NCDN: variants seen among roughly 807,000 people sequenced by gnomAD.
NCDN encodes the protein norbin.
A neutral mutation model predicts 60.7 loss-of-function variants in NCDN; 9 were observed. That is an observed-to-expected ratio of 0.15 (90% CI 0.09 to 0.26). NCDN has a LOEUF of 0.26. NCDN is among the 10% of genes least tolerant of loss of function. The pLI, the probability that NCDN is intolerant of heterozygous loss-of-function variation, is 1.00. For missense variants in NCDN, 578 were observed against 975.2 expected (o/e 0.59, Z 5.42); for synonymous variants, 409 against 442.5 (o/e 0.92, Z 0.95).
At position 35,558,913 on chromosome 1, in the gene NCDN, C is replaced by T. The variant is rs1201021685; in HGVS notation, c.34-194C>T. Among the ~76,000 whole-genome samples the T allele has an allele frequency of 6.6e-6, 1 of 152,056 alleles. No individual in the cohort carries two copies. Among genetic ancestry groups the T allele is most frequent in the Non-Finnish European group, 1.5e-5 (1 of 67,996 alleles). On this transcript the variant is annotated intron_variant, in intron 1 of 6. Coordinates refer to ENST00000373243, the MANE Select transcript of NCDN (RefSeq NM_014284.3). The surrounding 1 kb of genome is among the most constrained non-coding windows in gnomAD (Gnocchi z 6.3). ...CCTTGGACCAGGGTCCCTTCTTTAT[C>T]CCTAAGGATTTGCAGATCCAGCCCC...
chr1:35,563,685 A>G lies in NCDN; in HGVS notation c.1611-82A>G. ...TTTGGGGCCCAAAGTTAATCACCCT[A>G]CTGCCTAATTTCTTGCCAAGGGCTT... On this transcript the variant is annotated intron_variant, in intron 5 of 6. Transcript: ENST00000373243. This position sits in a 1 kb window ranked among gnomAD's most constrained non-coding sequence, Gnocchi z 6.6. 2.6e-6 allele frequency: 4 copies of G among 1,528,108 alleles called. No homozygotes were observed. The highest frequency in any genetic ancestry group is 3.6e-6 in the Non-Finnish European group (4 of 1,120,314). The allele number at this position is 1,528,108 out of a possible 1,614,324, so 94.7% of individuals were successfully genotyped here.
chr1:35,561,027 C>T lies in NCDN; in HGVS notation c.876C>T (p.Cys292=), dbSNP rs767390347. The change falls in exon 3 of 7, where the codon TGC becomes TGT. Residue 292 remains cysteine, a synonymous_variant. Coordinates refer to ENST00000373243, the MANE Select transcript of NCDN (RefSeq NM_014284.3). This position sits in a 1 kb window ranked among gnomAD's most constrained non-coding sequence, Gnocchi z 4.9. ...TGGCAGCCCGCCTGGCACACGCCTG[C>T]GGCTCCGACTGGATCCCGGCGGGCA... ...LKLAARLAHA[C]GSDWIPAGSS... The T allele has an allele frequency of 1.1e-5, 18 of 1,612,676 alleles. No individual in the cohort carries two copies. Among genetic ancestry groups the T allele is most frequent in the East Asian group, 6.7e-5 (3 of 44,866 alleles).
rs1558713499 is a variant in NCDN, at chr1:35,558,454, G to A, written c.33+231G>A. ...CGCCGCCGCTGCTGCTGCTGCTGCA[G>A]CCTCTACCCGAGGGAGGGAAAGGAG... On this transcript the variant is annotated intron_variant, in intron 1 of 6. Coordinates refer to ENST00000373243, the MANE Select transcript of NCDN (RefSeq NM_014284.3). The surrounding 1 kb of genome is among the most constrained non-coding windows in gnomAD (Gnocchi z 6.3). 7.0e-7 allele frequency: 1 copy of A among 1,434,072 alleles called. No homozygotes were observed. Among genetic ancestry groups the A allele is most frequent in the Non-Finnish European group, 9.1e-7 (1 of 1,098,392 alleles). 88.8% of individuals were successfully genotyped at this position (1,434,072 alleles called of 1,614,324 possible). A position where few individuals can be genotyped will look rare whatever the true frequency, so the allele number is the denominator to read the frequency against.
chr1:35,563,434 G>T lies in NCDN; in HGVS notation c.1610+8G>T, dbSNP rs1186796323. ...CGCACCGGGGCTGATCAAGTGAGGG[G>T]CTCGGGAGAGGTGGGGGAGGAGGCC... On this transcript the variant is annotated splice_region_variant and intron_variant, in intron 5 of 6. Coordinates refer to ENST00000373243, the MANE Select transcript of NCDN (RefSeq NM_014284.3). This position sits in a 1 kb window ranked among gnomAD's most constrained non-coding sequence, Gnocchi z 6.6. 4.3e-6 allele frequency: 7 copies of T among 1,609,854 alleles called. No individual in the cohort carries two copies. In the Admixed American group the frequency reaches 5.0e-5, roughly 12 times the overall value.
chr1:35,565,261 C>T lies in NCDN; in HGVS notation c.1788C>T (p.Phe596=). The T allele has an allele frequency of 6.2e-7, 1 of 1,612,544 alleles. No individual in the cohort carries two copies. Among genetic ancestry groups the T allele is most frequent in the Non-Finnish European group, 8.5e-7 (1 of 1,178,866 alleles). The part of the protein sequence containing the change: ...LQGTPASRGF[F]AAAILFLSQS... ...GAACACCAGCATCCCGAGGGTTCTT[C>T]GCAGCTGCCATCCTCTTCCTATCAC... The change falls in exon 7 of 7, where the codon TTC becomes TTT. Residue 596 remains phenylalanine, a synonymous_variant. Coordinates refer to ENST00000373243, the MANE Select transcript of NCDN (RefSeq NM_014284.3). This position sits in a 1 kb window ranked among gnomAD's most constrained non-coding sequence, Gnocchi z 8.9.
Position 35,565,894 on chromosome 1 carries a change from T to G in NCDN, c.*231T>G. The G allele has an allele frequency of 1.8e-6, 1 of 541,462 alleles. No individual in the cohort carries two copies. Among genetic ancestry groups the G allele is most frequent in the East Asian group, 3.3e-5 (1 of 30,566 alleles). The allele number at this position is 541,462 out of a possible 1,614,324, so 33.5% of individuals were successfully genotyped here. A position where few individuals can be genotyped will look rare whatever the true frequency, so the allele number is the denominator to read the frequency against. ...GCAGGGATCGGCTTGGAAATCAACGTGGTTGTCCCCGCCAGGCCGGGGAAG... is the reference window on the plus strand; with the variant it reads ...GCAGGGATCGGCTTGGAAATCAACGGGGTTGTCCCCGCCAGGCCGGGGAAG... On this transcript the variant is annotated 3_prime_UTR_variant, in exon 7 of 7. Transcript: ENST00000373243. The surrounding 1 kb of genome is among the most constrained non-coding windows in gnomAD (Gnocchi z 8.9).
rs1261496883 is a variant in NCDN at position 35,563,854 on chromosome 1, T to C, written c.1698T>C (p.Ala566=). The part of the protein sequence containing the change: ...LVQQQGRLLL[A]ANVATLGLLM... ...AGCAACAGGGAAGGCTGCTTCTGGC[T>C]GCTAATGTGGCCACCCTGGGGCTCC... is the stretch of plus-strand genomic sequence containing the variant. Residue 566 remains alanine, a synonymous_variant, in exon 6 of 7, where the codon GCT becomes GCC. Transcript: ENST00000373243. This position sits in a 1 kb window ranked among gnomAD's most constrained non-coding sequence, Gnocchi z 6.6. 1 of 1,614,142 alleles carries C rather than the reference T, an allele frequency of 6.2e-7. No homozygotes were observed. The highest frequency in any genetic ancestry group is 8.5e-7 in the Non-Finnish European group (1 of 1,180,030).
chr1:35,563,473 G>T lies in NCDN; in HGVS notation c.1610+47G>T. The T allele has an allele frequency of 6.3e-7, 1 of 1,587,086 alleles. No individual in the cohort carries two copies. On this transcript the variant is annotated intron_variant, in intron 5 of 6. Coordinates refer to ENST00000373243, the MANE Select transcript of NCDN (RefSeq NM_014284.3). The surrounding 1 kb of genome is among the most constrained non-coding windows in gnomAD (Gnocchi z 6.6). ...GGGGAGGAGGCCGGAGGAGGCAAAG[G>T]AGGCTGCCCAGTTGCCTCAATTCTC...
At position 35,560,240 on chromosome 1, in the gene NCDN, T is replaced by C. The variant is rs1648648836; in HGVS notation, c.175-86T>C. 6.7e-7 allele frequency: 1 copy of C among 1,502,280 alleles called. No individual in the cohort carries two copies. Among genetic ancestry groups the C allele is most frequent in the East Asian group, 2.3e-5 (1 of 44,162 alleles). 93.1% of individuals were successfully genotyped at this position (1,502,280 alleles called of 1,614,324 possible). ...GTCCTGTTGCATAACCTCATCTTGCTAGTCCTCAGTGCCCCAGGATGCAGG... is the reference window on the plus strand; with the variant it reads ...GTCCTGTTGCATAACCTCATCTTGCCAGTCCTCAGTGCCCCAGGATGCAGG... On this transcript the variant is annotated intron_variant, in intron 2 of 6. Coordinates refer to ENST00000373243, the MANE Select transcript of NCDN (RefSeq NM_014284.3). This position sits in a 1 kb window ranked among gnomAD's most constrained non-coding sequence, Gnocchi z 7.6.
chr1:35,557,846 C>G lies in NCDN; in HGVS notation c.-345C>G. ...GCGGCCCGAGGCTCCCGGAGCATCG[C>G]GCTGGGAGAAGACTTCGCCGCTCGG... On this transcript the variant is annotated 5_prime_UTR_variant, in exon 1 of 7. Transcript: ENST00000373243. 1.8e-6 allele frequency: 1 copy of G among 569,520 alleles called. No homozygotes were observed. Among genetic ancestry groups the G allele is most frequent in the Non-Finnish European group, 3.3e-6 (1 of 301,500 alleles). The allele number at this position is 569,520 out of a possible 1,614,324, so 35.3% of individuals were successfully genotyped here. A position where few individuals can be genotyped will look rare whatever the true frequency, so the allele number is the denominator to read the frequency against.
rs1212615777 is a variant in NCDN, at chr1:35,563,857, T to A, written c.1701T>A (p.Ala567=). Residue 567 remains alanine (A), a synonymous_variant, in exon 6 of 7, where the codon GCT becomes GCA. Transcript: ENST00000373243. This position sits in a 1 kb window ranked among gnomAD's most constrained non-coding sequence, Gnocchi z 6.6. ...AACAGGGAAGGCTGCTTCTGGCTGCTAATGTGGCCACCCTGGGGCTCCTCA... is the reference window on the plus strand; with the variant it reads ...AACAGGGAAGGCTGCTTCTGGCTGCAAATGTGGCCACCCTGGGGCTCCTCA... ...VQQQGRLLLA[A]NVATLGLLMA... 1 of 1,614,030 alleles carries A rather than the reference T, an allele frequency of 6.2e-7. No individual in the cohort carries two copies. The highest frequency in any genetic ancestry group is 1.3e-5 in the African/African-American group (1 of 74,920).
chr1:35,564,819 C>T (rs898616291), intron 6 of NCDN, among the ~76,000 whole-genome samples: 6 of 152,114 alleles, frequency 3.9e-5, no homozygotes, highest in Non-Finnish European at 5.9e-5. Context: ...TCTCTGGCGC[C>T]CTCTTCTGGC....
In NCDN at chr1:35,565,742, C is replaced by A; in HGVS notation, c.*79C>A. On this transcript the variant is annotated 3_prime_UTR_variant, in exon 7 of 7. Coordinates refer to ENST00000373243, the MANE Select transcript of NCDN (RefSeq NM_014284.3). The surrounding 1 kb of genome is among the most constrained non-coding windows in gnomAD (Gnocchi z 8.9). ...AGGCATCTTCCCTGAAGCCCCCAATCTGGCCCCCCCCTCCCCAGACTTCCT... is the reference window on the plus strand; with the variant it reads ...AGGCATCTTCCCTGAAGCCCCCAATATGGCCCCCCCCTCCCCAGACTTCCT... 1 of 1,392,404 alleles carries A rather than the reference C, an allele frequency of 7.2e-7. No individual in the cohort carries two copies. Among genetic ancestry groups the A allele is most frequent in the Non-Finnish European group, 9.5e-7 (1 of 1,050,060 alleles). The allele number at this position is 1,392,404 out of a possible 1,614,324, so 86.3% of individuals were successfully genotyped here. A position where few individuals can be genotyped will look rare whatever the true frequency, so the allele number is the denominator to read the frequency against.
chr1:35,558,154 AGT>A lies in NCDN; in HGVS notation c.-33_-32del. ...CCGTGACATCACCGCGCCATCGTGA[AGT>A]GTGATCTCATCGCCGCCCTGTCGTG... is the stretch of plus-strand genomic sequence containing the variant. On this transcript the variant is annotated 5_prime_UTR_variant, in exon 1 of 7. Transcript: ENST00000373243. This position sits in a 1 kb window ranked among gnomAD's most constrained non-coding sequence, Gnocchi z 6.3. 3 of 1,613,398 alleles carry A rather than the reference AGT, an allele frequency of 1.9e-6. No homozygotes were observed. The highest frequency in any genetic ancestry group is 2.5e-6 in the Non-Finnish European group (3 of 1,179,672).
In NCDN at chr1:35,561,362, G is replaced by C. The variant is rs1427886844; in HGVS notation, c.1143+68G>C. 9.3e-6 allele frequency: 14 copies of C among 1,507,758 alleles called. No homozygotes were observed. Among genetic ancestry groups the C allele is most frequent in the Non-Finnish European group, 9.7e-6 (11 of 1,135,994 alleles). 93.4% of individuals were successfully genotyped at this position (1,507,758 alleles called of 1,614,324 possible). A position where few individuals can be genotyped will look rare whatever the true frequency, so the allele number is the denominator to read the frequency against. On this transcript the variant is annotated intron_variant, in intron 3 of 6. Coordinates refer to ENST00000373243, the MANE Select transcript of NCDN (RefSeq NM_014284.3). This position sits in a 1 kb window ranked among gnomAD's most constrained non-coding sequence, Gnocchi z 4.9. ...AGCCAGTGCTGGAGCTGGGAGGCAAGGGGGAGGAGAATAATGGGGAGACAG... is the reference window on the plus strand; with the variant it reads ...AGCCAGTGCTGGAGCTGGGAGGCAACGGGGAGGAGAATAATGGGGAGACAG...
In NCDN at chr1:35,561,329, A is replaced by AT; in HGVS notation, c.1143+36dup. On this transcript the variant is annotated intron_variant, in intron 3 of 6. Transcript: ENST00000373243. This position sits in a 1 kb window ranked among gnomAD's most constrained non-coding sequence, Gnocchi z 4.9. ...CAGTGACCCACAGAGGGGGCCCAGT[A>AT]TGGGGGGAGCCAGTGCTGGAGCTGG... The AT allele has an allele frequency of 6.5e-7, 1 of 1,542,076 alleles. No individual in the cohort carries two copies. The highest frequency in any genetic ancestry group is 8.7e-7 in the Non-Finnish European group (1 of 1,149,984).
Position 35,563,116 on chromosome 1 carries a change from C to T in NCDN, c.1386-86C>T. ...GTGTCCTTCTCCCCTACTTCCATTT[C>T]TCTTAGGCAAGGTGCCCTAAAAAGG... On this transcript the variant is annotated intron_variant, in intron 4 of 6. Coordinates refer to ENST00000373243, the MANE Select transcript of NCDN (RefSeq NM_014284.3). The surrounding 1 kb of genome is among the most constrained non-coding windows in gnomAD (Gnocchi z 6.6). 1.6e-6 allele frequency: 2 copies of T among 1,253,608 alleles called. No individual in the cohort carries two copies. The highest frequency in any genetic ancestry group is 1.1e-6 in the Non-Finnish European group (1 of 915,872). The allele number at this position is 1,253,608 out of a possible 1,614,324, so 77.7% of individuals were successfully genotyped here.
In NCDN at chr1:35,565,086, TA is replaced by T; in HGVS notation, c.1754-139del. On this transcript the variant is annotated intron_variant, in intron 6 of 6. Transcript: ENST00000373243. The surrounding 1 kb of genome is among the most constrained non-coding windows in gnomAD (Gnocchi z 8.9). ...TACCCAAGGTCACACAGTGAGCATC[TA>T]AGGCAGGGTTTCAACGCAGGCAGTC... 1 of 815,232 alleles carries T rather than the reference TA, an allele frequency of 1.2e-6. No homozygotes were observed. Among genetic ancestry groups the T allele is most frequent in the Non-Finnish European group, 1.9e-6 (1 of 517,716 alleles). The allele number at this position is 815,232 out of a possible 1,614,324, so 50.5% of individuals were successfully genotyped here. A position where few individuals can be genotyped will look rare whatever the true frequency, so the allele number is the denominator to read the frequency against.
At position 35,561,869 on chromosome 1, in the gene NCDN, C is replaced by T. The variant is rs1029809586; in HGVS notation, c.1144-523C>T. Among the ~76,000 whole-genome samples, 1 of 152,082 alleles carries T rather than the reference C, an allele frequency of 6.6e-6. No homozygotes were observed. Among genetic ancestry groups the T allele is most frequent in the Non-Finnish European group, 1.5e-5 (1 of 68,016 alleles). On this transcript the variant is annotated intron_variant, in intron 3 of 6. Transcript: ENST00000373243. This position sits in a 1 kb window ranked among gnomAD's most constrained non-coding sequence, Gnocchi z 4.9. The stretch of plus-strand genomic sequence containing the variant: ...CTCTTTAATGGCCTGCTCCAGCCAC[C>T]GAGCTCACCAGCCATATATTCCATG...
Sources: gnomAD v4.1 joint callset for allele counts (sites outside exome capture counted in the v4.1 genomes callset) on GRCh38, gnomAD v4.1.1 for gene constraint, Gnocchi (gnomAD v3.1) non-coding constraint, MANE v1.5 for transcripts, NCBI Gene and HGNC (gene_info 2026-07-23, HGNC 2026-07-21) for gene names.